The following DGAT2L6 variants were observed in gnomAD, a reference collection of about 807,000 sequenced individuals.
DGAT2L6 encodes the protein diacylglycerol O-acyltransferase 2-like protein 6.
DGAT2L6 carries 22 observed loss-of-function variants against 25.5 expected under a neutral mutation model. The ratio of observed to expected loss-of-function variants is 0.86; its 90% CI spans 0.62 to 1.23. The LOEUF (loss-of-function observed/expected upper bound fraction) is 1.23, where lower values mean the gene tolerates loss of function less well. Among genes scored for constraint, DGAT2L6 ranks in the 50% most tolerant of loss-of-function variants. The pLI is 0.00. For synonymous variants in DGAT2L6, 100 were observed against 94.7 expected (o/e 1.06, Z -0.32); for missense variants, 287 against 253.2 (o/e 1.13, Z -0.91).
intron 2 of DGAT2L6, among the ~76,000 whole-genome samples, 189 bp from the exon 3 acceptor site, chrX:70,199,623 T>C (rs1461748880): frequency 9.0e-6 from 1 of 111,524 alleles, no homozygotes; most frequent in Non-Finnish European, 1.9e-5. Context: ...ACCTTTCTGG[T>C]CGGCTCTAGA....
intron 1 of DGAT2L6, among the ~76,000 whole-genome samples, chrX:70,194,604 C>T (rs1454416725): frequency 9.0e-6 from 1 of 111,604 alleles, no homozygotes; most frequent in Non-Finnish European, 1.9e-5. Context: ...TTATAGTCAA[C>T]TAATCTTTGA....
chrX:70,199,903 T>C, intron 3 of DGAT2L6, 21 bp downstream of exon 3: 1 of 1,193,241 alleles, frequency 8.4e-7, no homozygotes, highest in Non-Finnish European at 1.1e-6. Context: ...TTCCTCGGGG[T>C]GCCCTCAGTC....
chrX:70,204,622 A>C, intron 6 of DGAT2L6, 106 bp downstream of exon 6: 19 of 946,432 alleles, frequency 2.0e-5, no homozygotes, highest in Non-Finnish European at 2.8e-5. Context: ...TGGGATGGGC[A>C]ATGGGTGTGG....
chrX:70,205,068 T>C lies in DGAT2L6; in HGVS notation c.976T>C (p.Tyr326His), dbSNP rs370908822. ...RKLFDQHKVE[Y>H]GLPETQELTI... ...GCTCTTTGACCAACACAAAGTTGAA[T>C]ATGGCCTCCCTGAGACCCAAGAGCT... Residue 326 changes from tyrosine to histidine, a missense_variant, in exon 7 of 7, where the codon TAT becomes CAT. Tyr to His is a moderately conservative substitution (Grantham distance 83, BLOSUM62 2). Coordinates refer to ENST00000333026, the MANE Select transcript of DGAT2L6 (RefSeq NM_198512.3). 8 of 1,201,454 alleles carry C rather than the reference T, an allele frequency of 6.7e-6. No homozygotes were observed. The African/African-American group carries it at 1.4e-4, about 21-fold the overall frequency.
At chrX:70,200,559 G>C in intron 4 of DGAT2L6, 100 bp downstream of exon 4, 1 of 810,454 alleles carries the variant, frequency 1.2e-6, no homozygotes, top group East Asian at 3.4e-5. Context: ...GTACATGATA[G>C]AAAATAAGTC....
chrX:70,203,960 C>T (rs192443251), intron 5 of DGAT2L6, among the ~76,000 whole-genome samples: 1 of 110,677 alleles, frequency 9.0e-6, no homozygotes, highest in African/African-American at 3.3e-5. Flanking sequence ...AGCAAAAAGG[C>T]CGTAAGGAAG....
intron 1 of DGAT2L6, among the ~76,000 whole-genome samples, chrX:70,188,849 A>G (rs3905996): frequency 0.046 from 5,067 of 109,932 alleles, 280 homozygotes; most frequent in African/African-American, 0.15. Flanking sequence ...TACCATACTA[A>G]CCATCTAAGC....
At chrX:70,188,867 A>AAC (rs2085367071) in intron 1 of DGAT2L6, among the ~76,000 whole-genome samples, 1 of 109,268 alleles carries the variant, frequency 9.2e-6, no homozygotes, top group East Asian at 2.8e-4. Context: ...AGCATGAAAA[A>AAC]ACCCCATGTA....
Position 70,190,637 on chromosome X carries a change from C to T in DGAT2L6, c.86-8634C>T, listed in dbSNP as rs1187300748. Among the ~76,000 whole-genome samples, 3 of 112,231 alleles carry T rather than the reference C, an allele frequency of 2.7e-5. No individual in the cohort carries two copies. In the East Asian group the frequency reaches 8.4e-4, roughly 31 times the overall value. ...AAGTTACAGGACTGCCAATCTTGGT[C>T]CCAGCAGTATACCCTGAAGCAGCCT... On this transcript the variant is annotated intron_variant, in intron 1 of 6. Coordinates refer to ENST00000333026, the MANE Select transcript of DGAT2L6 (RefSeq NM_198512.3).
intron 1 of DGAT2L6, among the ~76,000 whole-genome samples, chrX:70,188,297 T>A (rs180716779): frequency 1.4e-4 from 16 of 111,496 alleles, no homozygotes; most frequent in Admixed American, 2.8e-4. Context: ...AGAAAACAAC[T>A]ATCCTAAATG....
At position 70,205,132 on chromosome X, in the gene DGAT2L6, A is replaced by G. The variant is rs2085424877; in HGVS notation, c.*26A>G. ...CAGGAGCCACATTCCCCATTGATCA[A>G]CCCCCAAAGCCATGAGGGATCCAAG... On this transcript the variant is annotated 3_prime_UTR_variant, in exon 7 of 7. Transcript: ENST00000333026. 8.6e-7 allele frequency: 1 copy of G among 1,163,736 alleles called. No homozygotes were observed. The highest frequency in any genetic ancestry group is 2.5e-5 in the Admixed American group (1 of 39,549).
At chrX:70,199,088 G>A (rs1047707135) in intron 1 of DGAT2L6, among the ~76,000 whole-genome samples, 183 bp from the exon 2 acceptor site, 10 of 111,677 alleles carry the variant, frequency 9.0e-5, no homozygotes, top group African/African-American at 3.3e-4. Flanking sequence ...GGGCTTCAGA[G>A]GCCTGCCTAG....
At chrX:70,191,727 T>C (rs1161023445) in intron 1 of DGAT2L6, among the ~76,000 whole-genome samples, 1 of 111,903 alleles carries the variant, frequency 8.9e-6, no homozygotes, top group East Asian at 2.8e-4. Context: ...CTGAAGCACA[T>C]TATAATCAAA....
intron 1 of DGAT2L6, among the ~76,000 whole-genome samples, chrX:70,190,360 A>G (rs1377259291): frequency 8.9e-5 from 10 of 111,973 alleles, no homozygotes; most frequent in Non-Finnish European, 1.7e-4. Flanking sequence ...GCAGCCATCC[A>G]TGGACCAAAG....
chrX:70,200,528 C>A, intron 4 of DGAT2L6, 69 bp downstream of exon 4: 2 of 971,331 alleles, frequency 2.1e-6, no homozygotes, highest in Non-Finnish European at 2.9e-6. Context: ...TAAGTCCTGA[C>A]AATCACTACC....
chrX:70,203,317 C>T (rs186345763), intron 5 of DGAT2L6, among the ~76,000 whole-genome samples: 3 of 112,251 alleles, frequency 2.7e-5, no homozygotes, highest in African/African-American at 9.7e-5. Context: ...TAAAACAGTG[C>T]TGGCACATAG....
chrX:70,179,832 T>G (rs2085337934), intron 1 of DGAT2L6, among the ~76,000 whole-genome samples: 2 of 110,345 alleles, frequency 1.8e-5, no homozygotes, highest in Middle Eastern at 4.6e-3. Flanking sequence ...CCTCCCAAAG[T>G]GCTGGCTGGG....
At chrX:70,188,764 G>A (rs1384816796) in intron 1 of DGAT2L6, among the ~76,000 whole-genome samples, 1 of 110,572 alleles carries the variant, frequency 9.0e-6, no homozygotes, top group Non-Finnish European at 1.9e-5. Flanking sequence ...ACATTACAAA[G>A]AGTAATGCAC....
At position 70,203,534 on chromosome X, in the gene DGAT2L6, G is replaced by A. The variant is rs893335262; in HGVS notation, c.648-771G>A. 2.7e-5 allele frequency among the ~76,000 whole-genome samples: 3 copies of A among 111,706 alleles called. No individual in the cohort carries two copies. The East Asian group carries it at 8.5e-4, about 32-fold the overall frequency. On this transcript the variant is annotated intron_variant, in intron 5 of 6. Transcript: ENST00000333026. Reference sequence around the variant, plus strand: ...ACTCAGGCATTCAGTGAGGACCTATGGCATGTCAAGTGCTATGCCAGGGCC... The same window carrying A: ...ACTCAGGCATTCAGTGAGGACCTATAGCATGTCAAGTGCTATGCCAGGGCC...
Sources: allele counts gnomAD v4.1 joint callset (sites outside exome capture counted in the v4.1 genomes callset), GRCh38; gene constraint gnomAD v4.1.1; transcripts MANE v1.5; gene names NCBI Gene and HGNC (gene_info 2026-07-23, HGNC 2026-07-21).